The following JARID2 variants were observed in gnomAD, a reference collection of about 807,000 sequenced individuals.
The protein encoded by JARID2 is protein Jumonji.
In JARID2, 21 loss-of-function variants were observed where a neutral mutation model predicts 125.6. That is an observed-to-expected ratio of 0.17 (90% confidence interval 0.12 to 0.24). The LOEUF is 0.24. Among genes scored for constraint, JARID2 ranks in the 10% least tolerant of loss-of-function variants. JARID2 has a pLI of 1.00. For synonymous variants in JARID2, 736 were observed against 661.6 expected (o/e 1.11, Z -1.73); for missense variants, 1,303 against 1,639.6 (o/e 0.79, Z 3.55).
chr6:15,377,935 G>C (rs1472269477), intron 2 of JARID2, among the ~76,000 whole-genome samples: 1 of 150,562 alleles, frequency 6.6e-6, no homozygotes, highest in East Asian at 2.0e-4. Context: ...TGCCTGGCTG[G>C]AGTACAGTGG....
intron 2 of JARID2, among the ~76,000 whole-genome samples, chr6:15,408,690 T>C (rs1442242398): frequency 6.6e-6 from 1 of 152,260 alleles, no homozygotes; most frequent in African/African-American, 2.4e-5. Context: ...CATTCTGATA[T>C]TAAATTACAA....
At chr6:15,384,591 A>G (rs193028492) in intron 2 of JARID2, among the ~76,000 whole-genome samples, 4 of 124,694 alleles carry the variant, frequency 3.2e-5, no homozygotes, top group East Asian at 4.7e-4. Context: ...CTGTTTTACT[A>G]TTTATTTATT....
At chr6:15,432,604 C>T (rs1450567646) in intron 3 of JARID2, among the ~76,000 whole-genome samples, 1 of 152,146 alleles carries the variant, frequency 6.6e-6, no homozygotes, top group African/African-American at 2.4e-5. Context: ...GGTGTATGCC[C>T]CATGTGAATG....
At chr6:15,387,521 C>T (rs923799235) in intron 2 of JARID2, among the ~76,000 whole-genome samples, 20 of 152,088 alleles carry the variant, frequency 1.3e-4, no homozygotes, top group African/African-American at 4.8e-4. Context: ...GCCCCTATGA[C>T]CTTATTTACC....
At chr6:15,301,787 T>A (rs1337972836) in intron 1 of JARID2, among the ~76,000 whole-genome samples, 1 of 152,220 alleles carries the variant, frequency 6.6e-6, no homozygotes, top group Non-Finnish European at 1.5e-5. Context: ...CCCTCTTTGG[T>A]ATGTTGGTAA....
chr6:15,338,177 G>C (rs1343496548), intron 1 of JARID2, among the ~76,000 whole-genome samples: 2 of 152,154 alleles, frequency 1.3e-5, no homozygotes, highest in African/African-American at 4.8e-5. Context: ...AAGAAGTGGA[G>C]AGTGAAAGGA....
intron 3 of JARID2, among the ~76,000 whole-genome samples, chr6:15,414,863 G>T (rs940062960): frequency 2.0e-5 from 3 of 152,000 alleles, no homozygotes; most frequent in Non-Finnish European, 4.4e-5. Context: ...TTCTCACAGA[G>T]GGGGATTTGG....
chr6:15,508,230 C>T, intron 11 of JARID2, 110 bp from the exon 12 acceptor site: 2 of 664,026 alleles, frequency 3.0e-6, no homozygotes, highest in Non-Finnish European at 5.6e-6. Context: ...CTTTGAGTCC[C>T]ATTTCTTTTC....
At chr6:15,468,016 G>C (rs1344057725) in intron 4 of JARID2, among the ~76,000 whole-genome samples, 1 of 152,030 alleles carries the variant, frequency 6.6e-6, no homozygotes, top group Admixed American at 6.5e-5. Context: ...TTTGCATCCA[G>C]TTAACCTAAT....
chr6:15,433,408 C>CTGTGTGTGTGTG (rs1414027038), intron 3 of JARID2, among the ~76,000 whole-genome samples: 27 of 93,576 alleles, frequency 2.9e-4, no homozygotes, highest in South Asian at 8.2e-4. Context: ...CCCCATGTCT[C>CTGTGTGTGTGTG]TCTGTGTGTG....
rs79439546 is a variant in JARID2, at chr6:15,273,311, A to T, written c.45+26727A>T. The stretch of plus-strand genomic sequence containing the variant: ...AATGATGTACACATGGGATGTGCAC[A>T]TATAATCTCTTTTCCAATTGTCCCT... On this transcript the variant is annotated intron_variant, in intron 1 of 17. Coordinates refer to ENST00000341776, the MANE Select transcript of JARID2 (RefSeq NM_004973.4). Among the ~76,000 whole-genome samples, 1,324 of 152,380 alleles carry T rather than the reference A, an allele frequency of 8.7e-3. 10 individuals are homozygous for T. The highest frequency in any genetic ancestry group is 0.013 in the Non-Finnish European group (901 of 68,034).
chr6:15,501,037 C>T lies in JARID2; in HGVS notation c.2076C>T (p.Asp692=). The T allele has an allele frequency of 6.2e-7, 1 of 1,614,184 alleles. No homozygotes were observed. Among genetic ancestry groups the T allele is most frequent in the Non-Finnish European group, 8.5e-7 (1 of 1,180,010 alleles). Residue 692 remains aspartate, a synonymous_variant, in exon 8 of 18, where the codon GAC becomes GAT. Transcript: ENST00000341776. ...DMLRIPRTAQ[D]RLAKLQEAYC... is the part of the protein sequence containing the mutation. The stretch of plus-strand genomic sequence containing the variant: ...TGCGCATCCCCAGAACTGCCCAGGA[C>T]CGGCTGGCCAAGCTGCAGGAGGCCT...
At chr6:15,513,991 G>C (rs1771420692) in intron 16 of JARID2, among the ~76,000 whole-genome samples, 1 of 152,242 alleles carries the variant, frequency 6.6e-6, no homozygotes, top group Non-Finnish European at 1.5e-5. Context: ...TTCTGGCACA[G>C]CCACTCCAGG....
chr6:15,426,128 T>C (rs1273041710), intron 3 of JARID2, among the ~76,000 whole-genome samples: 1 of 152,066 alleles, frequency 6.6e-6, no homozygotes, highest in African/African-American at 2.4e-5. Context: ...GCAGTTTGCC[T>C]TGGGAGGGGA....
At chr6:15,459,805 T>A (rs1768361435) in intron 4 of JARID2, among the ~76,000 whole-genome samples, 1 of 151,998 alleles carries the variant, frequency 6.6e-6, no homozygotes, top group Non-Finnish European at 1.5e-5. Flanking sequence ...AAGCCTGGGG[T>A]GATTTAGAGG....
At chr6:15,454,995 A>G (rs1022391613) in intron 4 of JARID2, among the ~76,000 whole-genome samples, 20 of 152,082 alleles carry the variant, frequency 1.3e-4, no homozygotes, top group African/African-American at 4.6e-4. Context: ...AGAAGGATGT[A>G]TTTGCCCTAA....
intron 3 of JARID2, among the ~76,000 whole-genome samples, chr6:15,433,567 A>G (rs951293619): frequency 7.9e-5 from 12 of 151,992 alleles, no homozygotes; most frequent in African/African-American, 2.9e-4. Flanking sequence ...ATGTGATTTA[A>G]TCTTGGATTT....
intron 3 of JARID2, among the ~76,000 whole-genome samples, chr6:15,445,343 T>A (rs1767628835): frequency 6.6e-6 from 1 of 152,224 alleles, no homozygotes; most frequent in African/African-American, 2.4e-5. Context: ...ACTTTCCAAA[T>A]AATGTTAGTG....
chr6:15,327,336 G>C (rs963956624), intron 1 of JARID2, among the ~76,000 whole-genome samples: 1 of 151,980 alleles, frequency 6.6e-6, no homozygotes, highest in Non-Finnish European at 1.5e-5. Context: ...GGTGCCTTTT[G>C]ACTCGCCTCC....
Sources: allele counts gnomAD v4.1 joint callset (sites outside exome capture counted in the v4.1 genomes callset), GRCh38; gene constraint gnomAD v4.1.1; transcripts MANE v1.5; gene names NCBI Gene and HGNC (gene_info 2026-07-23, HGNC 2026-07-21).